BMAL1: variants seen among roughly 807,000 people sequenced by gnomAD.
BMAL1 encodes the protein basic helix-loop-helix ARNT-like protein 1.
At chr11:13,364,051 C>T in the BMAL1 span, among the ~76,000 whole-genome samples, 1 of 152,196 alleles carries the variant, frequency 6.6e-6, no homozygotes, top group Non-Finnish European at 1.5e-5. Context: ...TGTCACAGTT[C>T]CCTTCTGTCC....
At chr11:13,359,860 G>C in the BMAL1 span, among the ~76,000 whole-genome samples, 1 of 152,180 alleles carries the variant, frequency 6.6e-6, no homozygotes, top group Non-Finnish European at 1.5e-5. Context: ...CACCCCTGAT[G>C]AAGAGTAACT....
At chr11:13,315,790 T>C in the BMAL1 span, among the ~76,000 whole-genome samples, 1 of 152,184 alleles carries the variant, frequency 6.6e-6, no homozygotes, top group Admixed American at 6.5e-5. Context: ...GTGCGCAGCC[T>C]GGAGTTGACC....
chr11:13,291,078 A>G, the BMAL1 span, among the ~76,000 whole-genome samples: 1 of 152,200 alleles, frequency 6.6e-6, no homozygotes, highest in East Asian at 1.9e-4. Flanking sequence ...TTTTAAAGAC[A>G]ACAAAAGAAA....
chr11:13,356,182 C>A, the BMAL1 span: 1 of 440,878 alleles, frequency 2.3e-6, no homozygotes, highest in Admixed American at 2.5e-5. Context: ...GGGGTTCCCA[C>A]CTACCTGAGA....
the BMAL1 span, among the ~76,000 whole-genome samples, chr11:13,317,168 A>G: frequency 6.6e-6 from 1 of 152,242 alleles, no homozygotes; most frequent in African/African-American, 2.4e-5. Context: ...TAATAATTAT[A>G]AGAAGACTTT....
At chr11:13,334,079 A>C in the BMAL1 span, among the ~76,000 whole-genome samples, 5 of 152,142 alleles carry the variant, frequency 3.3e-5, no homozygotes, top group African/African-American at 1.2e-4. Context: ...TTTATGACTC[A>C]AAATCACCAT....
the BMAL1 span, chr11:13,378,266 T>G: frequency 4.8e-6 from 7 of 1,471,840 alleles, no homozygotes; most frequent in Middle Eastern, 3.8e-4. Context: ...ATAAACTGGT[T>G]TTACTTTAAT....
At chr11:13,358,372 G>A in the BMAL1 span, 2 of 1,428,932 alleles carry the variant, frequency 1.4e-6, no homozygotes, top group South Asian at 1.6e-5. Flanking sequence ...ATTTATTTTT[G>A]TCATCTTTTC....
At chr11:13,367,191 C>T in the BMAL1 span, among the ~76,000 whole-genome samples, 1 of 152,160 alleles carries the variant, frequency 6.6e-6, no homozygotes, top group Non-Finnish European at 1.5e-5. Flanking sequence ...AAGAAAACGT[C>T]AACTATAAAT....
the BMAL1 span, among the ~76,000 whole-genome samples, chr11:13,368,659 T>G: frequency 6.6e-6 from 1 of 152,186 alleles, no homozygotes; most frequent in Non-Finnish European, 1.5e-5. Context: ...CCTCGGCTTC[T>G]GTACTGACAC....
the BMAL1 span, chr11:13,349,797 G>C: frequency 6.6e-6 from 1 of 152,204 alleles, no homozygotes; most frequent in Non-Finnish European, 1.5e-5. Flanking sequence ...AGTGCCGGTA[G>C]AGTGTGACGA....
the BMAL1 span, among the ~76,000 whole-genome samples, chr11:13,323,670 G>A: frequency 6.6e-6 from 1 of 152,174 alleles, no homozygotes; most frequent in African/African-American, 2.4e-5. Flanking sequence ...AGGCTGGAGT[G>A]CAATGGTATC....
At chr11:13,300,678 CAAG>C in the BMAL1 span, among the ~76,000 whole-genome samples, 1 of 152,038 alleles carries the variant, frequency 6.6e-6, no homozygotes, top group Non-Finnish European at 1.5e-5. Context: ...TGCCCTAAAA[CAAG>C]AAAAAGTAAA....
chr11:13,349,693 T>G, the BMAL1 span, among the ~76,000 whole-genome samples: 1 of 152,202 alleles, frequency 6.6e-6, no homozygotes, highest in South Asian at 2.1e-4. Context: ...AGGCATTGTT[T>G]TTCACCGAAA....
the BMAL1 span, among the ~76,000 whole-genome samples, chr11:13,382,797 C>T: frequency 2.6e-5 from 4 of 152,150 alleles, no homozygotes; most frequent in Admixed American, 6.5e-5. Context: ...TGACAAGATC[C>T]AGGCTCCTCA....
At chr11:13,320,046 T>C in the BMAL1 span, among the ~76,000 whole-genome samples, 1 of 152,178 alleles carries the variant, frequency 6.6e-6, no homozygotes, top group African/African-American at 2.4e-5. Flanking sequence ...CTCACAGGAG[T>C]GCTAACATTT....
chr11:13,357,242 G>A, the BMAL1 span: 1 of 1,176,956 alleles, frequency 8.5e-7, no homozygotes, highest in Non-Finnish European at 1.2e-6. The surrounding 1 kb of genome is among the most constrained non-coding windows in gnomAD (Gnocchi z 4.8). Flanking sequence ...AGTGGGCCTT[G>A]GCCGAGGTGG....
At chr11:13,281,169 G>A in the BMAL1 span, among the ~76,000 whole-genome samples, 3 of 152,118 alleles carry the variant, frequency 2.0e-5, no homozygotes, top group African/African-American at 4.8e-5. Context: ...TATTATTTGT[G>A]CTGTTTGTCC....
the BMAL1 span, among the ~76,000 whole-genome samples, chr11:13,284,220 ATATATATGTG>A: frequency 0.087 from 1,529 of 17,522 alleles, 244 homozygotes; most frequent in African/African-American, 0.13. Context: ...GTGTATATAT[ATATATATGTG>A]TGTGTATATA....
Sources: gnomAD v4.1 joint callset for allele counts (sites outside exome capture counted in the v4.1 genomes callset) on GRCh38, gnomAD v4.1.1 for gene constraint, Gnocchi (gnomAD v3.1) non-coding constraint, MANE v1.5 for transcripts, NCBI Gene and HGNC (gene_info 2026-07-23, HGNC 2026-07-21) for gene names.